Variants in SNRPE observed in about 807,000 individuals in gnomAD.
SNRPE encodes small nuclear ribonucleoprotein E.
For synonymous variants in SNRPE, 35 were observed against 36.7 expected (o/e 0.95, Z 0.17); for missense variants, 53 against 111.6 (o/e 0.48, Z 2.36).
chr1:203,865,639 G>T (rs766388364), intron 4 of SNRPE, among the ~76,000 whole-genome samples: 1 of 152,176 alleles, frequency 6.6e-6, no homozygotes, highest in Non-Finnish European at 1.5e-5. Context: ...GATAGCGTCA[G>T]TTCCCAGAGG....
chr1:203,868,840 T>A lies in SNRPE; in HGVS notation c.224-1037T>A, dbSNP rs1186536930. ...CATGCCACCACACCTGGCTAATTTT[T>A]TGTATTTTAGTAGAAGACGGGGTGT... On this transcript the variant is annotated intron_variant, in intron 4 of 4. Transcript: ENST00000414487. Among the ~76,000 whole-genome samples the A allele has an allele frequency of 2.0e-5, 3 of 152,042 alleles. No homozygotes were observed. In the East Asian group the frequency reaches 5.8e-4, roughly 29 times the overall value.
At chr1:203,867,107 GAAAAAAA>G (rs71566135) in intron 4 of SNRPE, among the ~76,000 whole-genome samples, 17 of 52,902 alleles carry the variant, frequency 3.2e-4, no homozygotes, top group Admixed American at 2.1e-3. Context: ...TGTCTTTCCT[GAAAAAAA>G]AAAAAAAAAA....
intron 2 of SNRPE, 101 bp from the exon 3 acceptor site, chr1:203,863,562 A>G: frequency 2.6e-6 from 2 of 766,564 alleles, no homozygotes; most frequent in African/African-American, 1.7e-5. Context: ...CTTGTGATCC[A>G]CCTCCCTCGG....
At chr1:203,866,634 T>A (rs1325293514) in intron 4 of SNRPE, among the ~76,000 whole-genome samples, 3 of 152,218 alleles carry the variant, frequency 2.0e-5, no homozygotes, top group Non-Finnish European at 4.4e-5. Context: ...TTCAGCTTAC[T>A]AATTGATTTC....
intron 2 of SNRPE, among the ~76,000 whole-genome samples, 189 bp from the exon 3 acceptor site, chr1:203,863,474 C>T (rs576646394): frequency 2.6e-5 from 4 of 152,238 alleles, no homozygotes; most frequent in Non-Finnish European, 4.4e-5. Flanking sequence ...TGCGCCACCA[C>T]GCCCAGCTAA....
At chr1:203,865,015 A>C (rs1280016314) in intron 3 of SNRPE, 26 bp from the exon 4 acceptor site, 28 of 1,598,178 alleles carry the variant, frequency 1.8e-5, no homozygotes, top group African/African-American at 2.7e-5. Flanking sequence ...TTTTCTTTGA[A>C]GATAACAGTT....
rs548814058 is a variant in SNRPE at position 203,869,135 on chromosome 1, T to C, written c.224-742T>C. Among the ~76,000 whole-genome samples the C allele has an allele frequency of 1.8e-4, 27 of 152,298 alleles. No individual in the cohort carries two copies. In the East Asian group the frequency reaches 5.2e-3, roughly 29 times the overall value. On this transcript the variant is annotated intron_variant, in intron 4 of 4. Coordinates refer to ENST00000414487, the MANE Select transcript of SNRPE (RefSeq NM_003094.4). ...AGAAGCCTGGGAAAGTAGAACAGTT[T>C]AATTACTGTTGGAGTTGATCAACGT...
rs1157625990 is a variant in SNRPE at position 203,861,901 on chromosome 1, C to T, written c.54+188C>T. The T allele has an allele frequency of 6.3e-6, 4 of 633,110 alleles. No individual in the cohort carries two copies. The Admixed American group carries it at 7.9e-5, about 12-fold the overall frequency. 39.2% of individuals were successfully genotyped at this position (633,110 alleles called of 1,614,324 possible). On this transcript the variant is annotated intron_variant, in intron 1 of 4. Transcript: ENST00000414487. ...GTGGGGAGGTGGTCTTGGGGGGACC[C>T]CTGCCGTGGGGAATGCAGGAATGGA... is the stretch of plus-strand genomic sequence containing the variant.
At chr1:203,862,077 G>A (rs560996664) in intron 1 of SNRPE, 119 bp from the exon 2 acceptor site, 7 of 789,664 alleles carry the variant, frequency 8.9e-6, no homozygotes, top group East Asian at 2.5e-5. Flanking sequence ...TGTTGTTTGC[G>A]TAAGCACCAG....
chr1:203,867,769 CAG>C (rs1239142998), intron 4 of SNRPE, among the ~76,000 whole-genome samples: 1 of 152,172 alleles, frequency 6.6e-6, no homozygotes, highest in Non-Finnish European at 1.5e-5. Flanking sequence ...CAGTTTCTAA[CAG>C]GGACCAGGAC....
chr1:203,862,243 G>A, intron 2 of SNRPE, 21 bp downstream of exon 2: 6 of 1,570,962 alleles, frequency 3.8e-6, no homozygotes, highest in Non-Finnish European at 4.4e-6. Context: ...TGCTTGTTTC[G>A]TAACTACTTT....
chr1:203,862,650 G>A (rs557632454), intron 2 of SNRPE, among the ~76,000 whole-genome samples: 1 of 152,158 alleles, frequency 6.6e-6, no homozygotes, highest in South Asian at 2.1e-4. Flanking sequence ...AAAACTTAAA[G>A]ACGAAAAAAG....
chr1:203,863,776 CTT>C (rs1162028087), intron 3 of SNRPE, 51 bp downstream of exon 3: 2 of 1,261,290 alleles, frequency 1.6e-6, no homozygotes, highest in Non-Finnish European at 2.3e-6. Context: ...TAGAAAAAGA[CTT>C]AACAGAAAGT....
At chr1:203,866,714 C>T (rs2103509502) in intron 4 of SNRPE, among the ~76,000 whole-genome samples, 1 of 152,176 alleles carries the variant, frequency 6.6e-6, no homozygotes, top group Admixed American at 6.5e-5. Context: ...GAACATATGT[C>T]ATCCCTTTGC....
intron 4 of SNRPE, among the ~76,000 whole-genome samples, chr1:203,867,677 G>A (rs1194747277): frequency 3.3e-5 from 5 of 152,268 alleles, no homozygotes. Flanking sequence ...AGCCCAGGCG[G>A]GAATACTAGT....
At chr1:203,861,828 C>T in intron 1 of SNRPE, 115 bp downstream of exon 1, 2 of 829,502 alleles carry the variant, frequency 2.4e-6, no homozygotes, top group Non-Finnish European at 4.2e-6. Context: ...CCATGAGCCC[C>T]CGGGGCTACC....
At chr1:203,861,832 G>C (rs534703559) in intron 1 of SNRPE, 119 bp downstream of exon 1, 2 of 818,372 alleles carry the variant, frequency 2.4e-6, no homozygotes, top group Non-Finnish European at 4.3e-6. Flanking sequence ...GAGCCCCCGG[G>C]GCTACCAAGA....
intron 3 of SNRPE, among the ~76,000 whole-genome samples, 193 bp downstream of exon 3, chr1:203,863,918 T>G (rs1174805919): frequency 6.7e-6 from 1 of 149,746 alleles, no homozygotes; most frequent in Non-Finnish European, 1.5e-5. Context: ...AAATAACTTT[T>G]AATTCATTTT....
intron 4 of SNRPE, among the ~76,000 whole-genome samples, chr1:203,866,999 A>C (rs1327470668): frequency 6.6e-6 from 1 of 151,182 alleles, no homozygotes; most frequent in Non-Finnish European, 1.5e-5. Context: ...GGCCAGGTGC[A>C]GTGGCTCACA....
Sources: allele counts gnomAD v4.1 joint callset (sites outside exome capture counted in the v4.1 genomes callset), GRCh38; gene constraint gnomAD v4.1.1; transcripts MANE v1.5; gene names NCBI Gene and HGNC (gene_info 2026-07-23, HGNC 2026-07-21).